ITGA6: variants seen among roughly 807,000 people sequenced by gnomAD.
ITGA6 encodes integrin subunit alpha 6.
In ITGA6, 63 loss-of-function variants were observed where a neutral mutation model predicts 133.6. That is an observed-to-expected ratio of 0.47 (90% CI 0.38 to 0.58). The LOEUF (loss-of-function observed/expected upper bound fraction) is 0.58. ITGA6 is among the 20% of genes least tolerant of loss of function. The probability of loss-of-function intolerance (pLI) is 0.00; values close to 1 mark genes in which losing one functional copy is unlikely to be tolerated. For missense variants in ITGA6, 1,068 were observed against 1,309.4 expected (o/e 0.82, Z 2.85); for synonymous variants, 434 against 482.0 (o/e 0.90, Z 1.30).
rs543323221 is a variant in ITGA6 at position 172,478,031 on chromosome 2, AAAAC to A, written c.1388+1522_1388+1525del. Among the ~76,000 whole-genome samples the A allele has an allele frequency of 2.2e-3, 330 of 150,766 alleles. 1 individual carries two copies. Among genetic ancestry groups the A allele is most frequent in the African/African-American group, 7.0e-3 (284 of 40,786 alleles). On this transcript the variant is annotated intron_variant, in intron 9 of 25. Coordinates refer to ENST00000684293, the MANE Select transcript of ITGA6 (RefSeq NM_000210.4). ...TCAAAATTGTGTGTTGTATGTTTAA[AAAAC>A]AAAATATGTTCTAGGCAGAAATGTC...
chr2:172,460,188 T>C (rs1685374766), intron 1 of ITGA6, among the ~76,000 whole-genome samples: 1 of 152,232 alleles, frequency 6.6e-6, no homozygotes, highest in South Asian at 2.1e-4. Flanking sequence ...GAGTAATACT[T>C]ATTTGGCTAT....
intron 6 of ITGA6, among the ~76,000 whole-genome samples, chr2:172,474,539 C>G (rs1686081547): frequency 6.6e-6 from 1 of 152,110 alleles, no homozygotes; most frequent in African/African-American, 2.4e-5. Flanking sequence ...AAAATTGACT[C>G]AGAAAACACT....
intron 13 of ITGA6, 85 bp downstream of exon 13, chr2:172,485,349 G>C: frequency 8.2e-7 from 1 of 1,222,854 alleles, no homozygotes; most frequent in Non-Finnish European, 1.2e-6. Context: ...AATAGAACTA[G>C]TGATTTGCTT....
chr2:172,485,660 A>G (rs1188451348), intron 13 of ITGA6, among the ~76,000 whole-genome samples: 7 of 152,226 alleles, frequency 4.6e-5, no homozygotes, highest in Admixed American at 4.6e-4. Flanking sequence ...ATCAAGGAAT[A>G]TCAAAATTCA....
intron 4 of ITGA6, 54 bp downstream of exon 4, chr2:172,469,434 A>ATGATTTAGTACCG (rs1685822912): frequency 8.5e-6 from 12 of 1,420,100 alleles, no homozygotes; most frequent in Non-Finnish European, 1.1e-5. Flanking sequence ...TTTCTGTAAT[A>ATGATTTAGTACCG]TGATTTAGTA....
chr2:172,443,590 C>A (rs7604404), intron 1 of ITGA6, among the ~76,000 whole-genome samples: 29,517 of 152,070 alleles, frequency 0.19, 4,336 homozygotes, highest in East Asian at 0.82. Context: ...TTTCAACAAT[C>A]GAGTTTCCAG....
At position 172,504,417 on chromosome 2, in the gene ITGA6, A is replaced by G; in HGVS notation, c.*349A>G. 1 of 492,066 alleles carries G rather than the reference A, an allele frequency of 2.0e-6. No homozygotes were observed. Among genetic ancestry groups the G allele is most frequent in the Non-Finnish European group, 3.6e-6 (1 of 280,428 alleles). 30.5% of individuals were successfully genotyped at this position (492,066 alleles called of 1,614,324 possible). On this transcript the variant is annotated 3_prime_UTR_variant, in exon 26 of 26. Transcript: ENST00000684293. ...ACTGTGGATATTGTTACGTAGCCTA[A>G]GGCTCCTGTTTTGCACAGCCAAATT...
At chr2:172,445,747 A>C (rs4281870) in intron 1 of ITGA6, among the ~76,000 whole-genome samples, 1 of 151,800 alleles carries the variant, frequency 6.6e-6, no homozygotes, top group African/African-American at 2.4e-5. Flanking sequence ...AAATCTGGGT[A>C]GCTGGTCTGA....
intron 1 of ITGA6, among the ~76,000 whole-genome samples, chr2:172,457,225 G>A (rs571202243): frequency 6.7e-6 from 1 of 149,818 alleles, no homozygotes; most frequent in Admixed American, 6.7e-5. Context: ...ACCTTGGGAG[G>A]TGGAGGTTGA....
rs201502347 is a variant in ITGA6, at chr2:172,491,236, G to T, written c.2794G>T (p.Val932Leu). The T allele has an allele frequency of 8.7e-6, 14 of 1,608,190 alleles. No homozygotes were observed. The highest frequency in any genetic ancestry group is 1.7e-4 in the Middle Eastern group (1 of 6,054). The stretch of plus-strand genomic sequence containing the variant: ...TTCTCTCTAGAACTGTAGCGTGAAC[G>T]TGAACTGTGTGAACATCAGATGCCC... The part of the protein sequence containing the change: ...KYQTLNCSVN[V>L]NCVNIRCPLR... Residue 932 changes from valine to leucine, a missense_variant, in exon 22 of 26, where the codon GTG (valine) becomes TTG (leucine). Coordinates refer to ENST00000684293, the MANE Select transcript of ITGA6 (RefSeq NM_000210.4). The surrounding 1 kb of genome is among the most constrained non-coding windows in gnomAD (Gnocchi z 4.4).
At chr2:172,434,916 C>T (rs1334221239) in intron 1 of ITGA6, among the ~76,000 whole-genome samples, 1 of 151,964 alleles carries the variant, frequency 6.6e-6, no homozygotes, top group African/African-American at 2.4e-5. Context: ...TAAGGAAGCA[C>T]CCAGTAATGC....
chr2:172,446,130 A>G (rs1684759261), intron 1 of ITGA6, among the ~76,000 whole-genome samples: 1 of 152,228 alleles, frequency 6.6e-6, no homozygotes, highest in Non-Finnish European at 1.5e-5. Flanking sequence ...CATTTATCTC[A>G]TTTAGAAAAT....
chr2:172,435,746 G>C (rs1200746074), intron 1 of ITGA6, among the ~76,000 whole-genome samples: 5 of 146,338 alleles, frequency 3.4e-5, no homozygotes, highest in Admixed American at 7.1e-5. Context: ...TCCCACCTCT[G>C]CCTCCCCAGT....
At chr2:172,460,750 G>A (rs1685398721) in intron 1 of ITGA6, among the ~76,000 whole-genome samples, 1 of 152,202 alleles carries the variant, frequency 6.6e-6, no homozygotes, top group South Asian at 2.1e-4. Context: ...TGACACAATT[G>A]CCACATAATG....
At chr2:172,440,813 T>G (rs773059193) in intron 1 of ITGA6, among the ~76,000 whole-genome samples, 4 of 152,208 alleles carry the variant, frequency 2.6e-5, no homozygotes, top group Non-Finnish European at 5.9e-5. Flanking sequence ...CTATATTAGC[T>G]TATTTGTCAT....
At chr2:172,475,738 A>G in intron 8 of ITGA6, 53 bp downstream of exon 8, 2 of 969,314 alleles carry the variant, frequency 2.1e-6, no homozygotes, top group Non-Finnish European at 3.4e-6. Context: ...TTTGCCCTAT[A>G]ATAAAATATT....
chr2:172,430,378 G>C (rs1684057574), intron 1 of ITGA6, among the ~76,000 whole-genome samples: 1 of 152,140 alleles, frequency 6.6e-6, no homozygotes, highest in Non-Finnish European at 1.5e-5. Flanking sequence ...GGTTGTTTTT[G>C]GGTAATGATA....
chr2:172,458,196 A>C (rs1229243377), intron 1 of ITGA6, among the ~76,000 whole-genome samples: 3 of 152,068 alleles, frequency 2.0e-5, no homozygotes, highest in Admixed American at 6.6e-5. Context: ...GTTGACATGT[A>C]CACGTTTTAC....
intron 6 of ITGA6, 102 bp downstream of exon 6, chr2:172,474,367 G>A (rs1202956665): frequency 2.8e-6 from 3 of 1,060,970 alleles, no homozygotes; most frequent in Non-Finnish European, 4.3e-6. Context: ...TTGACGTAAA[G>A]AATATTTTTA....
Sources: allele counts gnomAD v4.1 joint callset (sites outside exome capture counted in the v4.1 genomes callset), GRCh38; gene constraint gnomAD v4.1.1; non-coding constraint Gnocchi (gnomAD v3.1); transcripts MANE v1.5; gene names NCBI Gene and HGNC (gene_info 2026-07-23, HGNC 2026-07-21).